The following GSPT1 variants were observed in gnomAD, a reference collection of about 807,000 sequenced individuals.
GSPT1 encodes eukaryotic peptide chain release factor GTP-binding subunit ERF3A.
GSPT1 carries 20 observed loss-of-function variants against 72.5 expected under a neutral mutation model. The observed-to-expected ratio is 0.28, with a 90% confidence interval of 0.19 to 0.40. The LOEUF is 0.40. Among genes scored for constraint, GSPT1 ranks in the 10% least tolerant of loss-of-function variants. The pLI is 1.00. For missense variants in GSPT1, 580 were observed against 811.9 expected, an observed-to-expected ratio of 0.71 and a Z score of 3.47; for synonymous variants, 334 against 293.5, an observed-to-expected ratio of 1.14 and a Z score of -1.41.
intron 11 of GSPT1, chr16:11,882,657 A>G (rs1476515766): frequency 1.8e-5 from 3 of 168,828 alleles, no homozygotes; most frequent in African/African-American, 4.8e-5. Flanking sequence ...TGAACAGTCA[A>G]AAATGACACA....
intron 1 of GSPT1, chr16:11,915,116 G>A (rs1596480367): frequency 1.8e-6 from 2 of 1,137,510 alleles, no homozygotes; most frequent in East Asian, 9.4e-5. Context: ...CAGGGCAGGG[G>A]CGCGGAGGGG....
rs1281325054 is a variant in GSPT1 at position 11,869,843 on chromosome 16, G to A, written c.*3276C>T. 1 of 152,122 alleles carries A rather than the reference G, an allele frequency of 6.6e-6. No homozygotes were observed. The highest frequency in any genetic ancestry group is 1.5e-5 in the Non-Finnish European group (1 of 68,036). The allele number at this position is 152,122 out of a possible 1,614,324, so 9.4% of individuals were successfully genotyped here. A position where few individuals can be genotyped will look rare whatever the true frequency, so the allele number is the denominator to read the frequency against. The stretch of plus-strand genomic sequence containing the variant: ...TGATTTTTTTCCAGGTTCATCTTGG[G>A]AGCAGTTTTTGATCATAGGTTCAAC... On this transcript the variant is annotated 3_prime_UTR_variant, in exon 15 of 15. Coordinates refer to ENST00000434724, the MANE Select transcript of GSPT1 (RefSeq NM_002094.4).
At chr16:11,885,136 G>T (rs201461785) in intron 10 of GSPT1, 45 bp downstream of exon 10, 182 of 866,964 alleles carry the variant, frequency 2.1e-4, no homozygotes, top group Non-Finnish European at 3.4e-4. Flanking sequence ...GCACAACAAT[G>T]ATTTCCCCTC....
intron 14 of GSPT1, 67 bp downstream of exon 14, chr16:11,875,694 G>T: frequency 8.9e-7 from 1 of 1,125,370 alleles, no homozygotes. Flanking sequence ...ACTGTACTGA[G>T]ATGATGAAGA....
chr16:11,898,224 C>T (rs1471187177), intron 1 of GSPT1, among the ~76,000 whole-genome samples, 189 bp from the exon 2 acceptor site: 1 of 152,186 alleles, frequency 6.6e-6, no homozygotes, highest in Admixed American at 6.5e-5. Flanking sequence ...CAAAATTCTA[C>T]TAATTACAGC....
intron 11 of GSPT1, among the ~76,000 whole-genome samples, chr16:11,879,511 G>C (rs956104730): frequency 6.6e-6 from 1 of 152,084 alleles, no homozygotes; most frequent in Non-Finnish European, 1.5e-5. Context: ...AAGGCAGGTG[G>C]ATCACGAGGT....
chr16:11,893,557 G>A (rs1307531752), intron 5 of GSPT1, among the ~76,000 whole-genome samples: 1 of 152,142 alleles, frequency 6.6e-6, no homozygotes, highest in Non-Finnish European at 1.5e-5. Flanking sequence ...TTTCAAAATA[G>A]TTCGTTAGTA....
At chr16:11,883,819 A>G (rs2054154513) in intron 10 of GSPT1, among the ~76,000 whole-genome samples, 3 of 151,948 alleles carry the variant, frequency 2.0e-5, no homozygotes. Context: ...AGGCTGAGGC[A>G]TGAGAATCGC....
At position 11,915,481 on chromosome 16, in the gene GSPT1, G is replaced by A; in HGVS notation, c.240C>T (p.Val80=). The part of the protein sequence containing the change: ...NVNAKPFVPN[V]HAAEFVPSFL... ...AGGACGGCACGAACTCGGCGGCGTG[G>A]ACGTTGGGCACGAAGGGCTTGGCGT... The change falls in exon 1 of 15, where the codon GTC becomes GTT. Residue 80 remains valine, a synonymous_variant. Coordinates refer to ENST00000434724, the MANE Select transcript of GSPT1 (RefSeq NM_002094.4). 6 of 1,552,044 alleles carry A rather than the reference G, an allele frequency of 3.9e-6. No homozygotes were observed. Among genetic ancestry groups the A allele is most frequent in the Non-Finnish European group, 4.3e-6 (5 of 1,151,310 alleles).
At position 11,891,192 on chromosome 16, in the gene GSPT1, G is replaced by C. The variant is rs899027888; in HGVS notation, c.699-53C>G. On this transcript the variant is annotated intron_variant, in intron 5 of 14. Coordinates refer to ENST00000434724, the MANE Select transcript of GSPT1 (RefSeq NM_002094.4). ...TAAACAATTACTCACAAATTACTCA[G>C]TGGAATTAGGAAAACGTGAAAATTG... 1.7e-5 allele frequency: 16 copies of C among 915,924 alleles called. No individual in the cohort carries two copies. In the African/African-American group the frequency reaches 2.7e-4, roughly 16 times the overall value. The allele number at this position is 915,924 out of a possible 1,614,324, so 56.7% of individuals were successfully genotyped here. A position where few individuals can be genotyped will look rare whatever the true frequency, so the allele number is the denominator to read the frequency against.
chr16:11,898,732 G>C (rs910571594), intron 1 of GSPT1, among the ~76,000 whole-genome samples: 1 of 151,788 alleles, frequency 6.6e-6, no homozygotes, highest in African/African-American at 2.4e-5. Flanking sequence ...TTACAGGCTT[G>C]AGCCACCGCA....
rs777010436 is a variant in GSPT1, at chr16:11,892,506, C to CAAAAAAAAAA, written c.699-1368_699-1367insTTTTTTTTTT. The stretch of plus-strand genomic sequence containing the variant: ...CCTAAACAACAGGGAGACCCTTTCT[C>CAAAAAAAAAA]AAAAAAACAAAAAAAACAAAAAAAA... On this transcript the variant is annotated intron_variant, in intron 5 of 14. Coordinates refer to ENST00000434724, the MANE Select transcript of GSPT1 (RefSeq NM_002094.4). Among the ~76,000 whole-genome samples, 56 of 60,216 alleles carry CAAAAAAAAAA rather than the reference C, an allele frequency of 9.3e-4. 4 individuals carry two copies. Among genetic ancestry groups the CAAAAAAAAAA allele is most frequent in the African/African-American group, 3.0e-3 (37 of 12,496 alleles). 39.5% of individuals were successfully genotyped at this position (60,216 alleles called of 152,430 possible).
Position 11,877,084 on chromosome 16 carries a change from C to G in GSPT1, c.1602+323G>C, listed in dbSNP as rs926523471. Among the ~76,000 whole-genome samples, 2 of 152,182 alleles carry G rather than the reference C, an allele frequency of 1.3e-5. No individual in the cohort carries two copies. The highest frequency in any genetic ancestry group is 2.9e-5 in the Non-Finnish European group (2 of 68,040). Reference sequence around the variant, plus strand: ...GAAAGCTATGTGCTGTCAATGAGCACATAAACCATGACTTCCACAGTAACT... The same window carrying G: ...GAAAGCTATGTGCTGTCAATGAGCAGATAAACCATGACTTCCACAGTAACT... On this transcript the variant is annotated intron_variant, in intron 12 of 14. Coordinates refer to ENST00000434724, the MANE Select transcript of GSPT1 (RefSeq NM_002094.4). The surrounding 1 kb of genome is among the most constrained non-coding windows in gnomAD (Gnocchi z 4.0).
intron 6 of GSPT1, 23 bp downstream of exon 6, chr16:11,891,039 A>G: frequency 9.7e-7 from 1 of 1,030,126 alleles, no homozygotes; most frequent in Non-Finnish European, 1.5e-6. Flanking sequence ...GTAATTTATA[A>G]GTGTCATAAA....
intron 1 of GSPT1, among the ~76,000 whole-genome samples, chr16:11,911,854 ATTTTTTTTTTTTT>A (rs1158026034): frequency 2.9e-4 from 13 of 45,414 alleles, no homozygotes; most frequent in Admixed American, 7.6e-4. Context: ...ACCCAGCTGT[ATTTTTTTTTTTTT>A]TTTTTTTTTT....
chr16:11,907,470 A>G (rs1200513451), intron 1 of GSPT1, among the ~76,000 whole-genome samples: 1 of 152,226 alleles, frequency 6.6e-6, no homozygotes, highest in Non-Finnish European at 1.5e-5. Flanking sequence ...TAAATGCTCA[A>G]TAAATTTATT....
At position 11,915,601 on chromosome 16, in the gene GSPT1, C is replaced by G. The variant is rs2054623919; in HGVS notation, c.120G>C (p.Gly40=). The change falls in exon 1 of 15, where the codon GGG becomes GGC. Residue 40 remains glycine (G), a synonymous_variant. Transcript: ENST00000434724. ...AGCCGCCGCCGCCGCAAGGGCCCGG[C>G]CCGGGGGCTTCCATGTCCGCCTGGT... ...CWDQADMEAP[G]PGPCGGGGSL... is the part of the protein sequence containing the mutation. The G allele has an allele frequency of 6.7e-7, 1 of 1,491,428 alleles. No individual in the cohort carries two copies. The highest frequency in any genetic ancestry group is 2.9e-5 in the East Asian group (1 of 34,400). The allele number at this position is 1,491,428 out of a possible 1,614,324, so 92.4% of individuals were successfully genotyped here.
rs181321326 is a variant in GSPT1 at position 11,873,176 on chromosome 16, A to C, written c.1862-5T>G. 32 of 1,530,906 alleles carry C rather than the reference A, an allele frequency of 2.1e-5. No homozygotes were observed. The highest frequency in any genetic ancestry group is 2.7e-5 in the Non-Finnish European group (30 of 1,106,318). 94.8% of individuals were successfully genotyped at this position (1,530,906 alleles called of 1,614,324 possible). On this transcript the variant is annotated splice_region_variant and splice_polypyrimidine_tract_variant and intron_variant, in intron 14 of 14. Transcript: ENST00000434724. Reference sequence around the variant, plus strand: ...TTCCAATTGCAATGGTCTTACCTAGAAATGAAATTTTAAAAAAATCTTTCA... The same window carrying C: ...TTCCAATTGCAATGGTCTTACCTAGCAATGAAATTTTAAAAAAATCTTTCA...
intron 5 of GSPT1, among the ~76,000 whole-genome samples, chr16:11,891,763 A>G (rs1381920478): frequency 6.7e-6 from 1 of 149,826 alleles, no homozygotes; most frequent in East Asian, 2.0e-4. Context: ...CCTGGGTTCA[A>G]GCGATTCTCC....
Sources: allele counts gnomAD v4.1 joint callset (sites outside exome capture counted in the v4.1 genomes callset), GRCh38; gene constraint gnomAD v4.1.1; non-coding constraint Gnocchi (gnomAD v3.1); transcripts MANE v1.5; gene names NCBI Gene and HGNC (gene_info 2026-07-23, HGNC 2026-07-21).